The following ZNF765 variants were observed in gnomAD, a reference collection of about 807,000 sequenced individuals.
ZNF765 encodes zinc finger protein 765.
Under a neutral mutation model 44.7 loss-of-function variants are expected in ZNF765, and 37 were observed. That is an observed-to-expected ratio of 0.83 (90% CI 0.64 to 1.09). The LOEUF (loss-of-function observed/expected upper bound fraction) is 1.09, where lower values mean the gene tolerates loss of function less well. ZNF765 is among the 50% of genes least tolerant of loss of function. ZNF765 has a pLI of 0.00. For missense variants in ZNF765, 594 were observed against 626.1 expected (o/e 0.95, Z 0.55); for synonymous variants, 201 against 213.7 (o/e 0.94, Z 0.52).
chr19:53,415,000 G>A (rs1298589314), downstream of ZNF765, among the ~76,000 whole-genome samples: 1 of 152,076 alleles, frequency 6.6e-6, no homozygotes, highest in Middle Eastern at 3.2e-3. Context: ...GGCCACGCAC[G>A]GTGGCTTACA....
exon 4 of ZNF765, chr19:53,425,914 A>G (rs1016803782): frequency 2.6e-5 from 4 of 152,360 alleles, no homozygotes; most frequent in African/African-American, 9.6e-5. Flanking sequence ...CCTGGCCAAC[A>G]TGGTGAAACC....
At chr19:53,399,504 T>G (rs914040547) in intron 2 of ZNF765, among the ~76,000 whole-genome samples, 2 of 151,446 alleles carry the variant, frequency 1.3e-5, no homozygotes, top group African/African-American at 4.8e-5. Flanking sequence ...TTCAATAAAT[T>G]GAAAAAAAAA....
intron 2 of ZNF765, among the ~76,000 whole-genome samples, chr19:53,398,997 T>G (rs528275296): frequency 4.6e-5 from 7 of 152,190 alleles, no homozygotes; most frequent in Admixed American, 2.0e-4. Context: ...GTGATCTGCC[T>G]GCCTCAGCCT....
intron 3 of ZNF765, among the ~76,000 whole-genome samples, chr19:53,403,393 A>C (rs2085746761): frequency 6.6e-6 from 1 of 150,786 alleles, no homozygotes. Context: ...CTCATTTACT[A>C]CTTTTGTGTT....
downstream of ZNF765, chr19:53,413,171 C>T: frequency 1.8e-6 from 1 of 570,910 alleles, no homozygotes; most frequent in South Asian, 1.4e-5. Flanking sequence ...GTGGTGTGTA[C>T]TTGACTCTGC....
intron 3 of ZNF765, chr19:53,423,005 T>G (rs1161745208): frequency 8.5e-6 from 6 of 705,468 alleles, no homozygotes; most frequent in African/African-American, 1.8e-5. Context: ...TGGCAGCTTT[T>G]GGGTTTAGGC....
chr19:53,409,132 T>C lies in ZNF765; in HGVS notation c.*5T>C. The C allele has an allele frequency of 1.2e-6, 2 of 1,607,704 alleles. No individual in the cohort carries two copies. The highest frequency in any genetic ancestry group is 1.7e-4 in the Middle Eastern group (1 of 6,030). On this transcript the variant is annotated 3_prime_UTR_variant, in exon 4 of 4. Transcript: ENST00000396408. Reference sequence around the variant, plus strand: ...GGAGAGAAACTACACGTGTAATGAGTGTGGTAAGACCTTCAATCAGGAGTT... The same window carrying C: ...GGAGAGAAACTACACGTGTAATGAGCGTGGTAAGACCTTCAATCAGGAGTT...
At chr19:53,412,135 C>T, downstream of ZNF765, 1 of 310,824 alleles carries the variant, frequency 3.2e-6, no homozygotes, top group South Asian at 2.7e-5. Context: ...ATTCCATTTT[C>T]CCTACTTGAT....
exon 4 of ZNF765, chr19:53,425,585 T>G (rs1436680216): frequency 6.6e-6 from 1 of 152,298 alleles, no homozygotes; most frequent in African/African-American, 2.4e-5. Context: ...GTGCTGGGAT[T>G]ACAGACGTGA....
intron 3 of ZNF765, among the ~76,000 whole-genome samples, chr19:53,419,432 G>A (rs751329632): frequency 1.3e-5 from 2 of 152,136 alleles, no homozygotes; most frequent in Admixed American, 6.5e-5. Flanking sequence ...GAAAACATAA[G>A]GAGTCTGTTG....
chr19:53,411,632 A>G lies in ZNF765; in HGVS notation c.*2505A>G, dbSNP rs761515444. The G allele has an allele frequency of 6.6e-6, 1 of 152,252 alleles. No individual in the cohort carries two copies. The highest frequency in any genetic ancestry group is 2.4e-5 in the African/African-American group (1 of 41,432). The allele number at this position is 152,252 out of a possible 1,614,324, so 9.4% of individuals were successfully genotyped here. On this transcript the variant is annotated 3_prime_UTR_variant, in exon 4 of 4. Coordinates refer to ENST00000396408, the MANE Select transcript of ZNF765 (RefSeq NM_001040185.3). ...TTTATGGGTACCGTGTTGAATCTAA[A>G]TCACATTGGGTTATATAATCATTTA...
intron 3 of ZNF765, among the ~76,000 whole-genome samples, chr19:53,404,334 C>G (rs985882594): frequency 1.3e-5 from 2 of 152,240 alleles, no homozygotes; most frequent in Non-Finnish European, 2.9e-5. Context: ...CCTCGGCCTC[C>G]TAAACTACTG....
chr19:53,421,594 T>A (rs187276645), intron 3 of ZNF765, among the ~76,000 whole-genome samples: 68 of 152,282 alleles, frequency 4.5e-4, no homozygotes, highest in African/African-American at 1.6e-3. Context: ...GGTTCACTGC[T>A]ACCTCTGCCT....
chr19:53,416,457 T>G (rs2085875631), downstream of ZNF765, among the ~76,000 whole-genome samples: 2 of 152,092 alleles, frequency 1.3e-5, no homozygotes, highest in African/African-American at 4.8e-5. Flanking sequence ...ATTAATAAAT[T>G]ACCAGACAAA....
chr19:53,396,125 G>A (rs2085666595), intron 1 of ZNF765, among the ~76,000 whole-genome samples: 1 of 152,148 alleles, frequency 6.6e-6, no homozygotes, highest in Non-Finnish European at 1.5e-5. Flanking sequence ...TCAGAGTGAG[G>A]GAGAGGAGGA....
In ZNF765 at chr19:53,410,689, G is replaced by C. The variant is rs755024246; in HGVS notation, c.*1562G>C. On this transcript the variant is annotated 3_prime_UTR_variant, in exon 4 of 4. Coordinates refer to ENST00000396408, the MANE Select transcript of ZNF765 (RefSeq NM_001040185.3). ...GAGATCATACTAGTTTAATAAATTT[G>C]GCAAATTTTTCAGACATTGTTCATA... The C allele has an allele frequency of 1.8e-5, 8 of 449,620 alleles. No individual in the cohort carries two copies. Among genetic ancestry groups the C allele is most frequent in the Non-Finnish European group, 3.6e-5 (8 of 221,762 alleles). 27.9% of individuals were successfully genotyped at this position (449,620 alleles called of 1,614,324 possible).
chr19:53,422,948 T>C lies in ZNF765; in HGVS notation c.143-114T>C. 5 of 729,554 alleles carry C rather than the reference T, an allele frequency of 6.9e-6. No homozygotes were observed. The South Asian group carries it at 7.2e-5, about 10-fold the overall frequency. 45.2% of individuals were successfully genotyped at this position (729,554 alleles called of 1,614,324 possible). On this transcript the variant is annotated intron_variant, in intron 3 of 3. Coordinates refer to the ZNF765 transcript ENST00000594030. ...CAGATTTGATGATCAGACACCTAAT[T>C]GTAGCCAACACGTTATTCCTCCTCC... is the stretch of plus-strand genomic sequence containing the variant.
Position 53,409,879 on chromosome 19 carries a change from G to A in ZNF765, c.*752G>A. 1.5e-6 allele frequency: 1 copy of A among 653,184 alleles called. No homozygotes were observed. The highest frequency in any genetic ancestry group is 2.9e-6 in the Non-Finnish European group (1 of 339,194). 40.5% of individuals were successfully genotyped at this position (653,184 alleles called of 1,614,324 possible). A position where few individuals can be genotyped will look rare whatever the true frequency, so the allele number is the denominator to read the frequency against. On this transcript the variant is annotated 3_prime_UTR_variant, in exon 4 of 4. Transcript: ENST00000396408. ...GAGAGGTACCTTACAAGGATAATGA[G>A]TGTAGAAAAACCTTTCATGGGCAGT...
Position 53,407,729 on chromosome 19 carries a change from C to G in ZNF765, c.174C>G (p.Phe58Leu), listed in dbSNP as rs747830283. Residue 58 changes from phenylalanine to leucine, a missense_variant, in exon 4 of 4, where the codon TTC becomes TTG. This residue lies in a region of ZNF765 where 567 missense variants were observed against 572.6 expected (regional missense o/e 0.99). Coordinates refer to ENST00000396408, the MANE Select transcript of ZNF765 (RefSeq NM_001040185.3). ...CTTCCAAATGCATGATGAAGGAGTTCTCGTCAACAGCACAAGGCAATAGAG... is the reference window on the plus strand; with the variant it reads ...CTTCCAAATGCATGATGAAGGAGTTGTCGTCAACAGCACAAGGCAATAGAG... Reference protein sequence around the residue: ...DISSKCMMKEFSSTAQGNREV... With the variant: ...DISSKCMMKELSSTAQGNREV... The G allele has an allele frequency of 6.4e-7, 1 of 1,565,096 alleles. No individual in the cohort carries two copies. The highest frequency in any genetic ancestry group is 1.4e-5 in the African/African-American group (1 of 73,080).
Sources: allele counts gnomAD v4.1 joint callset (sites outside exome capture counted in the v4.1 genomes callset), GRCh38; gene constraint gnomAD v4.1.1; regional missense constraint gnomAD v4.1.1; transcripts MANE v1.5; gene names NCBI Gene and HGNC (gene_info 2026-07-23, HGNC 2026-07-21).